The following ARIH2 variants were observed in gnomAD, a reference collection of about 807,000 sequenced individuals.
ARIH2 encodes the protein ariadne RBR E3 ubiquitin protein ligase 2, also known as E3 ubiquitin-protein ligase ARIH2.
Under a neutral mutation model 79.8 loss-of-function variants are expected in ARIH2, and 12 were observed. The ratio of observed to expected loss-of-function variants is 0.15; its 90% CI spans 0.10 to 0.24. The LOEUF (loss-of-function observed/expected upper bound fraction) is 0.24. Ranked by LOEUF, ARIH2 falls within the 10% of genes least tolerant of loss-of-function variation. The pLI is 1.00. For synonymous variants in ARIH2, 224 were observed against 213.9 expected, an observed-to-expected ratio of 1.05 and a Z score of -0.41; for missense variants, 301 against 618.3, an observed-to-expected ratio of 0.49 and a Z score of 5.44.
chr3:48,937,642 C>G (rs2087345824), intron 3 of ARIH2, among the ~76,000 whole-genome samples: 1 of 152,150 alleles, frequency 6.6e-6, no homozygotes. Flanking sequence ...CCAATAAATG[C>G]ACAGTTGAAA....
intron 4 of ARIH2, 54 bp from the exon 5 acceptor site, chr3:48,964,865 G>C: frequency 7.3e-7 from 1 of 1,378,588 alleles, no homozygotes; most frequent in Non-Finnish European, 1.0e-6. Flanking sequence ...ATTGTTCAGG[G>C]GTAAAAATGT....
chr3:48,983,966 A>C lies in ARIH2; in HGVS notation c.*696A>C, dbSNP rs990088794. 6.6e-6 allele frequency: 1 copy of C among 152,296 alleles called. No individual in the cohort carries two copies. Among genetic ancestry groups the C allele is most frequent in the Non-Finnish European group, 1.5e-5 (1 of 68,128 alleles). 9.4% of individuals were successfully genotyped at this position (152,296 alleles called of 1,614,324 possible). A position where few individuals can be genotyped will look rare whatever the true frequency, so the allele number is the denominator to read the frequency against. On this transcript the variant is annotated 3_prime_UTR_variant, in exon 16 of 16. Coordinates refer to ENST00000356401, the MANE Select transcript of ARIH2 (RefSeq NM_006321.4). ...GTGTTGTTGTCTCTGGTGGTGCTGC[A>C]TGTCTGTGGCTCACCTTTATTCTTG...
chr3:48,931,483 A>G (rs1442338837), intron 3 of ARIH2, among the ~76,000 whole-genome samples: 3 of 151,750 alleles, frequency 2.0e-5, no homozygotes, highest in Admixed American at 1.3e-4. Context: ...CCGCGGGCAG[A>G]GGTTGCAGTG....
intron 3 of ARIH2, among the ~76,000 whole-genome samples, chr3:48,952,685 G>C (rs1369938308): frequency 6.6e-6 from 1 of 152,114 alleles, no homozygotes; most frequent in Non-Finnish European, 1.5e-5. Context: ...ACCTTGAGAG[G>C]AGTGGGAATG....
chr3:48,960,474 A>G (rs902604864), intron 3 of ARIH2, among the ~76,000 whole-genome samples: 1 of 151,936 alleles, frequency 6.6e-6, no homozygotes, highest in African/African-American at 2.4e-5. Flanking sequence ...AAAAAAACAA[A>G]AAAACCTGGC....
chr3:48,956,008 A>G (rs1381047504), intron 3 of ARIH2, among the ~76,000 whole-genome samples: 1 of 152,108 alleles, frequency 6.6e-6, no homozygotes, highest in Non-Finnish European at 1.5e-5. Flanking sequence ...CCATTACTGG[A>G]TGAGGTGCAG....
intron 5 of ARIH2, among the ~76,000 whole-genome samples, 155 bp downstream of exon 5, chr3:48,965,137 G>A (rs1042736408): frequency 5.9e-5 from 9 of 151,466 alleles, no homozygotes; most frequent in Admixed American, 3.9e-4. Context: ...GGTGGATTAC[G>A]AGGTCAGGAG....
In ARIH2 at chr3:48,983,568, T is replaced by TG; in HGVS notation, c.*298_*299insG. The TG allele has an allele frequency of 3.0e-6, 1 of 330,552 alleles. No individual in the cohort carries two copies. The highest frequency in any genetic ancestry group is 6.3e-5 in the South Asian group (1 of 15,830). 20.5% of individuals were successfully genotyped at this position (330,552 alleles called of 1,614,324 possible). A position where few individuals can be genotyped will look rare whatever the true frequency, so the allele number is the denominator to read the frequency against. ...AATGGCTATTAATAGTATTAGATCA[T>TG]TACAACTTATGTAACTTTCAAAGGT... On this transcript the variant is annotated 3_prime_UTR_variant, in exon 16 of 16. Transcript: ENST00000356401.
chr3:48,920,381 G>C (rs9637481), intron 1 of ARIH2, among the ~76,000 whole-genome samples: 94,727 of 142,606 alleles, frequency 0.66, 32,066 homozygotes, highest in East Asian at 0.96. Flanking sequence ...TCATTTAAAT[G>C]TGCACCTAGA....
rs2091963523 is a variant in ARIH2 at position 48,968,591 on chromosome 3, C to T, written c.596C>T (p.Pro199Leu). ...CGTACACCAGAGGACTTTGTGTTTC[C>T]ATTGCTTCCCAATGAAGAATTGAGA... Reference protein sequence around the residue: ...PLRTPEDFVFPLLPNEELREK... With the variant: ...PLRTPEDFVFLLLPNEELREK... Residue 199 changes from proline (P) to leucine (L), a missense_variant, in exon 7 of 16, where the codon CCA becomes CTA. By Grantham distance (98) the Pro-to-Leu change is moderately conservative. Transcript: ENST00000356401. 6.2e-7 allele frequency: 1 copy of T among 1,611,942 alleles called. No homozygotes were observed. Among genetic ancestry groups the T allele is most frequent in the Non-Finnish European group, 8.5e-7 (1 of 1,178,506 alleles).
chr3:48,966,103 G>A (rs1281778431), intron 5 of ARIH2, among the ~76,000 whole-genome samples: 1 of 152,098 alleles, frequency 6.6e-6, no homozygotes, highest in African/African-American at 2.4e-5. Flanking sequence ...TACCATAGAA[G>A]CTGTATTTTA....
chr3:48,968,968 C>T (rs907301440), intron 7 of ARIH2, among the ~76,000 whole-genome samples: 2 of 152,140 alleles, frequency 1.3e-5, no homozygotes, highest in Admixed American at 6.5e-5. Context: ...ACTGCAACCT[C>T]CGCCTCCCAG....
chr3:48,947,673 A>G (rs1242486078), intron 3 of ARIH2, among the ~76,000 whole-genome samples: 3 of 152,202 alleles, frequency 2.0e-5, no homozygotes, highest in South Asian at 2.1e-4. Context: ...ATAAGGGTCA[A>G]CCCTTTGTAT....
intron 3 of ARIH2, among the ~76,000 whole-genome samples, chr3:48,958,384 C>T (rs969601075): frequency 3.9e-5 from 6 of 152,082 alleles, no homozygotes; most frequent in Non-Finnish European, 7.4e-5. Context: ...GAACAGGCAC[C>T]GCACTGTAGC....
In ARIH2 at chr3:48,927,762, A is replaced by C. The variant is rs766011857; in HGVS notation, c.204A>C (p.Glu68Asp). 1.2e-6 allele frequency: 2 copies of C among 1,614,240 alleles called. No homozygotes were observed. Among genetic ancestry groups the C allele is most frequent in the South Asian group, 2.2e-5 (2 of 91,088 alleles). Residue 68 changes from glutamate (E) to aspartate (D), a missense_variant, in exon 3 of 16, where the codon GAA becomes GAC. By Grantham distance (45) the Glu-to-Asp change is conservative. This residue lies in a region of ARIH2 where 223 missense variants were observed against 349.4 expected (regional missense o/e 0.64). Transcript: ENST00000356401. ...AGTTCACTTGCTTGACCTACAAGGAATCTGAGGGTGCCCTCAATGAGCACA... is the reference window on the plus strand; with the variant it reads ...AGTTCACTTGCTTGACCTACAAGGACTCTGAGGGTGCCCTCAATGAGCACA... Reference protein sequence around the residue: ...EYQFTCLTYKESEGALNEHMT... With the variant: ...EYQFTCLTYKDSEGALNEHMT...
rs868801208 is a variant in ARIH2, at chr3:48,978,469, A to G, written c.962-1013A>G. 1.5e-3 allele frequency among the ~76,000 whole-genome samples: 86 copies of G among 58,090 alleles called. 1 individual carries two copies. In the East Asian group the frequency reaches 0.055, roughly 37 times the overall value. 38.1% of individuals were successfully genotyped at this position (58,090 alleles called of 152,430 possible). On this transcript the variant is annotated intron_variant, in intron 11 of 15. Transcript: ENST00000356401. ...TGTGTGTGTGTGTGTGTGTGTGTAT[A>G]TATATATATATATATTTTTTTTTTT...
At chr3:48,940,821 A>ATATC (rs1181528750) in intron 3 of ARIH2, among the ~76,000 whole-genome samples, 2 of 139,752 alleles carry the variant, frequency 1.4e-5, no homozygotes, top group African/African-American at 2.6e-5. Flanking sequence ...ATATATATAT[A>ATATC]TATATATAGC....
At chr3:48,965,111 T>C in intron 5 of ARIH2, 129 bp downstream of exon 5, 1 of 722,270 alleles carries the variant, frequency 1.4e-6, no homozygotes, top group Non-Finnish European at 2.2e-6. Flanking sequence ...TCCCAGCACT[T>C]TGGGAGGCTG....
intron 4 of ARIH2, 107 bp downstream of exon 4, chr3:48,961,786 T>A: frequency 1.4e-6 from 1 of 703,238 alleles, no homozygotes; most frequent in Non-Finnish European, 2.5e-6. Context: ...ATGTGCATAG[T>A]ATATTTTTAA....
Sources: allele counts gnomAD v4.1 joint callset (sites outside exome capture counted in the v4.1 genomes callset), GRCh38; gene constraint gnomAD v4.1.1; regional missense constraint gnomAD v4.1.1; transcripts MANE v1.5; gene names NCBI Gene and HGNC (gene_info 2026-07-23, HGNC 2026-07-21).